CDH13: variants seen among roughly 807,000 people sequenced by gnomAD.
CDH13 encodes the protein cadherin 13.
Under a neutral mutation model 63.8 loss-of-function variants are expected in CDH13, and 24 were observed. The observed-to-expected ratio is 0.38, with a 90% CI of 0.27 to 0.53. The LOEUF (loss-of-function observed/expected upper bound fraction) is 0.53. Among genes scored for constraint, CDH13 ranks in the 20% least tolerant of loss-of-function variants. CDH13 has a pLI of 0.85. For missense variants in CDH13, 1,049 were observed against 903.1 expected (o/e 1.16, Z -2.07); for synonymous variants, 503 against 355.3 (o/e 1.42, Z -4.67).
intron 11 of CDH13, among the ~76,000 whole-genome samples, chr16:83,770,127 G>T (rs956583384): frequency 7.9e-5 from 12 of 152,280 alleles, no homozygotes; most frequent in Non-Finnish European, 1.3e-4. Context: ...AATGCCAGGA[G>T]AACCACGCGT....
chr16:83,334,315 T>C, intron 5 of CDH13, among the ~76,000 whole-genome samples: 2 of 147,860 alleles, frequency 1.4e-5, no homozygotes, highest in Admixed American at 6.8e-5. Context: ...CCCCCCTCTC[T>C]CCCTATCTCC....
chr16:83,119,808 G>A (rs1031755263), intron 3 of CDH13, among the ~76,000 whole-genome samples: 2 of 152,104 alleles, frequency 1.3e-5, no homozygotes, highest in Non-Finnish European at 2.9e-5. Context: ...ACATATGGCA[G>A]AACACACAAA....
chr16:83,389,249 A>G (rs955177869), intron 6 of CDH13, among the ~76,000 whole-genome samples: 2 of 152,236 alleles, frequency 1.3e-5, no homozygotes, highest in African/African-American at 4.8e-5. Context: ...ATAAAACTAT[A>G]AAATTGCCAT....
chr16:83,014,559 C>T (rs911325660), intron 2 of CDH13, among the ~76,000 whole-genome samples: 2 of 150,292 alleles, frequency 1.3e-5, no homozygotes, highest in African/African-American at 4.9e-5. Context: ...CATGGTGAAA[C>T]CCTGTCTCTA....
At chr16:83,557,136 G>A (rs938844593) in intron 7 of CDH13, among the ~76,000 whole-genome samples, 3 of 152,138 alleles carry the variant, frequency 2.0e-5, no homozygotes, top group Non-Finnish European at 4.4e-5. Context: ...ATAGGAGTAT[G>A]AACCTTATTG....
intron 6 of CDH13, among the ~76,000 whole-genome samples, chr16:83,383,377 G>C (rs1325513606): frequency 6.6e-6 from 1 of 152,104 alleles, no homozygotes; most frequent in Non-Finnish European, 1.5e-5. Context: ...CAAATTTGCA[G>C]CAAGATATTC....
At chr16:83,013,068 C>G (rs1180318411) in intron 2 of CDH13, among the ~76,000 whole-genome samples, 1 of 152,106 alleles carries the variant, frequency 6.6e-6, no homozygotes, top group Non-Finnish European at 1.5e-5. Flanking sequence ...AGATCTCTTG[C>G]AAAATGCGAG....
chr16:83,440,995 G>T (rs567324864), intron 6 of CDH13, among the ~76,000 whole-genome samples: 10 of 152,198 alleles, frequency 6.6e-5, no homozygotes, highest in African/African-American at 2.2e-4. Flanking sequence ...CACAACCACT[G>T]CAGTTCTAGG....
intron 7 of CDH13, among the ~76,000 whole-genome samples, chr16:83,588,273 T>A (rs1218865407): frequency 6.6e-6 from 1 of 152,244 alleles, no homozygotes; most frequent in Non-Finnish European, 1.5e-5. Flanking sequence ...TGATTCAGCC[T>A]GTCTAACATT....
At chr16:82,926,377 CT>C (rs2042304803) in intron 2 of CDH13, among the ~76,000 whole-genome samples, 2 of 152,296 alleles carry the variant, frequency 1.3e-5, no homozygotes, top group South Asian at 4.1e-4. Context: ...TTTCGCACCC[CT>C]GTGCCTGTTT....
At chr16:82,657,883 C>T (rs1343005944) in intron 1 of CDH13, among the ~76,000 whole-genome samples, 1 of 152,176 alleles carries the variant, frequency 6.6e-6, no homozygotes, top group African/African-American at 2.4e-5. Flanking sequence ...TTGTTTCTTA[C>T]TTTCCAATCA....
At chr16:82,750,532 C>G (rs2034370618) in intron 1 of CDH13, among the ~76,000 whole-genome samples, 1 of 152,228 alleles carries the variant, frequency 6.6e-6, no homozygotes, top group African/African-American at 2.4e-5. Flanking sequence ...GACTAATGAT[C>G]TGACATAGAC....
intron 6 of CDH13, among the ~76,000 whole-genome samples, chr16:83,443,509 A>G (rs1200152640): frequency 1.3e-5 from 2 of 152,002 alleles, no homozygotes; most frequent in African/African-American, 4.8e-5. Context: ...CTTTTTCTGA[A>G]GTACTAAAAG....
chr16:83,173,745 C>G (rs2038015559), intron 4 of CDH13, among the ~76,000 whole-genome samples: 1 of 152,110 alleles, frequency 6.6e-6, no homozygotes, highest in African/African-American at 2.4e-5. Context: ...TCCCAATCTT[C>G]TGGGCCTCTT....
intron 1 of CDH13, among the ~76,000 whole-genome samples, chr16:82,743,909 T>G (rs918396392): frequency 1.3e-5 from 2 of 152,226 alleles, no homozygotes; most frequent in Admixed American, 1.3e-4. Context: ...ATTTTGAAAT[T>G]GTTATAGTGA....
chr16:83,131,690 T>C (rs991972015), intron 4 of CDH13, among the ~76,000 whole-genome samples: 1 of 152,248 alleles, frequency 6.6e-6, no homozygotes, highest in Non-Finnish European at 1.5e-5. Context: ...ACAAGTCATT[T>C]ATGAAATGCT....
intron 4 of CDH13, among the ~76,000 whole-genome samples, chr16:83,215,578 C>T (rs1053627978): frequency 6.6e-6 from 1 of 151,088 alleles, no homozygotes; most frequent in Non-Finnish European, 1.5e-5. Context: ...GCCTTAGGCA[C>T]CATTGCCACC....
Position 82,641,456 on chromosome 16 carries a change from G to A in CDH13, c.45+14319G>A, listed in dbSNP as rs151189390. 2.0e-3 allele frequency among the ~76,000 whole-genome samples: 308 copies of A among 152,240 alleles called. No individual in the cohort carries two copies. In the Middle Eastern group the frequency reaches 0.02, roughly 10 times the overall value. ...TGGTAACAGAAAGAATTATGGTAGT[G>A]GTAATTTTTAAAACCTTCTGAATTT... is the stretch of plus-strand genomic sequence containing the variant. On this transcript the variant is annotated intron_variant, in intron 1 of 13. Coordinates refer to ENST00000567109, the MANE Select transcript of CDH13 (RefSeq NM_001257.5).
intron 13 of CDH13, among the ~76,000 whole-genome samples, chr16:83,787,098 A>G (rs1915936863): frequency 6.6e-6 from 1 of 152,202 alleles, no homozygotes; most frequent in Non-Finnish European, 1.5e-5. Flanking sequence ...CATGACACAT[A>G]CAGTTCTATT....
Sources: allele counts gnomAD v4.1 joint callset (sites outside exome capture counted in the v4.1 genomes callset), GRCh38; gene constraint gnomAD v4.1.1; transcripts MANE v1.5; gene names NCBI Gene and HGNC (gene_info 2026-07-23, HGNC 2026-07-21).